Variants in EBF2 observed in about 807,000 individuals in gnomAD.
The protein encoded by EBF2 is transcription factor COE2.
EBF2 carries 21 observed loss-of-function variants against 72.8 expected under a neutral mutation model. The observed-to-expected ratio is 0.29, with a 90% CI of 0.20 to 0.42. The LOEUF (loss-of-function observed/expected upper bound fraction) is 0.42, where lower values mean the gene tolerates loss of function less well. Ranked by LOEUF, EBF2 falls within the 10% of genes least tolerant of loss-of-function variation. The pLI is 1.00. For synonymous variants in EBF2, 299 were observed against 274.2 expected (o/e 1.09, Z -0.89); for missense variants, 637 against 731.2 (o/e 0.87, Z 1.49).
At chr8:25,955,646 G>T (rs1803932921) in intron 6 of EBF2, among the ~76,000 whole-genome samples, 1 of 152,112 alleles carries the variant, frequency 6.6e-6, no homozygotes. Flanking sequence ...AGAAATAAAG[G>T]ATTTGAAGGA....
At chr8:25,949,326 G>A (rs1387262100) in intron 6 of EBF2, among the ~76,000 whole-genome samples, 1 of 152,000 alleles carries the variant, frequency 6.6e-6, no homozygotes, top group South Asian at 2.1e-4. Flanking sequence ...TCAGCGAATG[G>A]TTACTAAAAG....
intron 6 of EBF2, among the ~76,000 whole-genome samples, chr8:25,934,341 G>T (rs1398865864): frequency 6.6e-6 from 1 of 151,908 alleles, no homozygotes; most frequent in Non-Finnish European, 1.5e-5. Context: ...CCTTTAGAAA[G>T]ACGGATTTCC....
At chr8:25,900,219 G>A (rs575844096) in intron 7 of EBF2, among the ~76,000 whole-genome samples, 4 of 152,304 alleles carry the variant, frequency 2.6e-5, no homozygotes, top group African/African-American at 9.6e-5. Flanking sequence ...AATTTGCGAA[G>A]CCAAGGCGAG....
At chr8:25,909,435 T>C (rs1486131101) in intron 6 of EBF2, among the ~76,000 whole-genome samples, 3 of 151,118 alleles carry the variant, frequency 2.0e-5, no homozygotes, top group African/African-American at 7.3e-5. Flanking sequence ...GCTTTTGCAG[T>C]GTTAAAGTCC....
At chr8:25,898,778 A>C (rs1333201745) in intron 7 of EBF2, among the ~76,000 whole-genome samples, 1 of 152,158 alleles carries the variant, frequency 6.6e-6, no homozygotes, top group Non-Finnish European at 1.5e-5. Flanking sequence ...GTGGCCTATC[A>C]AAAATCAGGA....
intron 6 of EBF2, among the ~76,000 whole-genome samples, chr8:25,971,092 C>A (rs1266857879): frequency 2.0e-5 from 3 of 152,176 alleles, no homozygotes; most frequent in African/African-American, 4.8e-5. Flanking sequence ...GCCTCAGCCT[C>A]CCAAAGTGCT....
chr8:25,853,381 A>AAAAAG (rs1423651807), intron 14 of EBF2, among the ~76,000 whole-genome samples: 3 of 152,174 alleles, frequency 2.0e-5, no homozygotes, highest in Non-Finnish European at 4.4e-5. Flanking sequence ...AAGGACACAA[A>AAAAAG]AAAAGAAAAT....
At chr8:25,887,766 T>C in intron 9 of EBF2, 76 bp downstream of exon 9, 1 of 1,429,670 alleles carries the variant, frequency 7.0e-7, no homozygotes, top group South Asian at 1.8e-5. Context: ...TTACCCTTGG[T>C]GTTTGTGCTA....
intron 10 of EBF2, among the ~76,000 whole-genome samples, chr8:25,872,409 TC>T (rs1005494293): frequency 1.3e-5 from 2 of 152,104 alleles, no homozygotes; most frequent in African/African-American, 4.8e-5. Flanking sequence ...CAGTGAGTCT[TC>T]CCTTGGATCC....
intron 10 of EBF2, among the ~76,000 whole-genome samples, chr8:25,874,853 CTTTTTTTT>C (rs1183233269): frequency 2.0e-5 from 2 of 99,574 alleles, no homozygotes; most frequent in African/African-American, 9.4e-5. Flanking sequence ...GCCTGGCTAA[CTTTTTTTT>C]TTTTTTTTTT....
At chr8:25,946,178 T>C (rs1303688916) in intron 6 of EBF2, among the ~76,000 whole-genome samples, 1 of 152,252 alleles carries the variant, frequency 6.6e-6, no homozygotes, top group Non-Finnish European at 1.5e-5. Context: ...CCTATGCCTT[T>C]CTCATCAATC....
intron 10 of EBF2, among the ~76,000 whole-genome samples, chr8:25,875,851 G>C (rs1468198822): frequency 1.3e-5 from 2 of 152,124 alleles, no homozygotes; most frequent in African/African-American, 4.8e-5. Flanking sequence ...AAGACAGTGT[G>C]GTGATTCTTC....
intron 6 of EBF2, among the ~76,000 whole-genome samples, chr8:25,981,442 A>C (rs1005075282): frequency 6.6e-6 from 1 of 151,908 alleles, no homozygotes. Flanking sequence ...TGGATAGGGC[A>C]ATGGAAGTGG....
chr8:26,013,862 T>C (rs1490697637), intron 6 of EBF2, among the ~76,000 whole-genome samples: 1 of 152,172 alleles, frequency 6.6e-6, no homozygotes, highest in Non-Finnish European at 1.5e-5. Context: ...CTCCAACAAC[T>C]GTATCAGAGG....
intron 6 of EBF2, among the ~76,000 whole-genome samples, chr8:26,010,417 C>A (rs1437108060): frequency 6.6e-6 from 1 of 152,204 alleles, no homozygotes; most frequent in Non-Finnish European, 1.5e-5. Context: ...TCACAGACAG[C>A]CACAGACAGG....
chr8:26,036,284 A>T (rs1805499782), intron 5 of EBF2, among the ~76,000 whole-genome samples: 1 of 152,230 alleles, frequency 6.6e-6, no homozygotes, highest in Non-Finnish European at 1.5e-5. Flanking sequence ...AGTATAATGT[A>T]GGGAAAGAAC....
intron 7 of EBF2, among the ~76,000 whole-genome samples, chr8:25,906,968 C>T (rs889877953): frequency 6.6e-6 from 1 of 151,932 alleles, no homozygotes; most frequent in Non-Finnish European, 1.5e-5. Flanking sequence ...AAGTAACTCT[C>T]AGTAGCCCTT....
At chr8:25,899,241 T>G (rs904127690) in intron 7 of EBF2, among the ~76,000 whole-genome samples, 7 of 151,818 alleles carry the variant, frequency 4.6e-5, no homozygotes, top group Non-Finnish European at 7.4e-5. Flanking sequence ...CTCCACAGTT[T>G]TTTTTTTTTT....
intron 6 of EBF2, among the ~76,000 whole-genome samples, chr8:25,917,558 AG>A: frequency 6.6e-6 from 1 of 152,318 alleles, no homozygotes; most frequent in Middle Eastern, 3.4e-3. Context: ...AAAAGAAAAA[AG>A]AACTCAGCAA....
Sources: gnomAD v4.1 joint callset for allele counts (sites outside exome capture counted in the v4.1 genomes callset) on GRCh38, gnomAD v4.1.1 for gene constraint, MANE v1.5 for transcripts, NCBI Gene and HGNC (gene_info 2026-07-23, HGNC 2026-07-21) for gene names.